AGXT2: variants seen among roughly 807,000 people sequenced by gnomAD.
AGXT2 encodes alanine--glyoxylate aminotransferase 2, mitochondrial.
In AGXT2, 61 loss-of-function variants were observed where a neutral mutation model predicts 62.5. The observed-to-expected ratio is 0.98, with a 90% CI of 0.79 to 1.21. The LOEUF is 1.21. Among genes scored for constraint, AGXT2 ranks in the 50% most tolerant of loss-of-function variants. The pLI, the probability that AGXT2 is intolerant of heterozygous loss-of-function variation, is 0.00. For missense variants in AGXT2, 666 were observed against 641.5 expected (o/e 1.04, Z -0.41); for synonymous variants, 243 against 218.7 (o/e 1.11, Z -0.98).
intron 1 of AGXT2, among the ~76,000 whole-genome samples, chr5:35,040,895 C>G (rs946259749): frequency 1.3e-5 from 2 of 152,036 alleles, no homozygotes; most frequent in African/African-American, 4.8e-5. Context: ...CTACGGCAGT[C>G]CCTCACAAAC....
chr5:35,027,766 C>A (rs1434075605), intron 7 of AGXT2, among the ~76,000 whole-genome samples: 1 of 150,732 alleles, frequency 6.6e-6, no homozygotes, highest in African/African-American at 2.4e-5. Flanking sequence ...CTTCCAAGTG[C>A]GTAGGGCATT....
At chr5:35,011,218 G>A (rs142064983) in intron 11 of AGXT2, among the ~76,000 whole-genome samples, 113 of 152,184 alleles carry the variant, frequency 7.4e-4, no homozygotes, top group African/African-American at 2.5e-3. Context: ...CCAGCACTTT[G>A]GGAGGCTGAG....
intron 9 of AGXT2, among the ~76,000 whole-genome samples, chr5:35,015,388 G>A (rs566531667): frequency 9.2e-5 from 14 of 152,150 alleles, no homozygotes; most frequent in Non-Finnish European, 1.9e-4. Context: ...ACTTCTCCAC[G>A]CACATTTCTG....
Position 35,010,118 on chromosome 5 carries a change from C to G in AGXT2, c.1220G>C (p.Ser407Thr). The stretch of plus-strand genomic sequence containing the variant: ...TAACATGTAGGTCCCAACTTCTTGA[C>G]TGTTTTCCTGTAGATTTTCTTCTTT... ...VIKEENLQEN[S>T]QEVGTYMLLK... Residue 407 changes from serine (S) to threonine (T), a missense_variant, in exon 12 of 14, where the codon AGT (serine) becomes ACT (threonine). Physicochemically the swap from Ser to Thr is moderately conservative, Grantham distance 58. Coordinates refer to ENST00000231420, the MANE Select transcript of AGXT2 (RefSeq NM_031900.4). 6.2e-7 allele frequency: 1 copy of G among 1,614,228 alleles called. No homozygotes were observed. Among genetic ancestry groups the G allele is most frequent in the Non-Finnish European group, 8.5e-7 (1 of 1,180,034 alleles).
chr5:35,036,843 C>T (rs1181153133), intron 4 of AGXT2, 99 bp downstream of exon 4: 2 of 1,579,858 alleles, frequency 1.3e-6, no homozygotes, highest in Non-Finnish European at 1.7e-6. Flanking sequence ...CCTAGGGACG[C>T]TCCCCTAGAA....
chr5:35,040,454 C>G (rs1579513368), intron 2 of AGXT2, 121 bp downstream of exon 2: 1 of 889,424 alleles, frequency 1.1e-6, no homozygotes, highest in East Asian at 2.4e-5. Context: ...GGTACAATAT[C>G]TGGAATGAGG....
At chr5:35,040,099 G>GAGAA (rs201037779) in intron 2 of AGXT2, among the ~76,000 whole-genome samples, 5 of 152,118 alleles carry the variant, frequency 3.3e-5, no homozygotes, top group African/African-American at 9.7e-5. Flanking sequence ...AAGAAAGAGA[G>GAGAA]AGAAAGAAAG....
At chr5:35,020,852 G>A (rs1232793331) in intron 9 of AGXT2, among the ~76,000 whole-genome samples, 3 of 151,994 alleles carry the variant, frequency 2.0e-5, no homozygotes, top group African/African-American at 7.2e-5. Flanking sequence ...ATCTCCTTAA[G>A]CTGATAAGCA....
At chr5:34,999,019 C>G in intron 13 of AGXT2, among the ~76,000 whole-genome samples, 193 bp from the exon 14 acceptor site, 1 of 152,198 alleles carries the variant, frequency 6.6e-6, no homozygotes, top group East Asian at 1.9e-4. Context: ...AACCCTTGTA[C>G]AATTTGGCTC....
Position 35,047,787 on chromosome 5 carries a change from C to A in AGXT2, c.88+18G>T, listed in dbSNP as rs376555663. Reference sequence around the variant, plus strand: ...CGCTGATCCTCTACTGACCCACGTCCCCCTGGTTTCCACTTACGGCTCAGG... The same window carrying A: ...CGCTGATCCTCTACTGACCCACGTCACCCTGGTTTCCACTTACGGCTCAGG... On this transcript the variant is annotated intron_variant, in intron 1 of 13. Transcript: ENST00000231420. 6 of 1,613,766 alleles carry A rather than the reference C, an allele frequency of 3.7e-6. No homozygotes were observed. The Admixed American group carries it at 1.0e-4, about 27-fold the overall frequency.
intron 9 of AGXT2, among the ~76,000 whole-genome samples, chr5:35,016,303 G>A (rs571375445): frequency 3.9e-5 from 6 of 152,272 alleles, no homozygotes; most frequent in Admixed American, 3.3e-4. Flanking sequence ...CTCCCACTGT[G>A]ATGATGTCTT....
chr5:35,031,950 T>A lies in AGXT2; in HGVS notation c.769+782A>T, dbSNP rs1261492838. On this transcript the variant is annotated intron_variant, in intron 7 of 13. Coordinates refer to ENST00000231420, the MANE Select transcript of AGXT2 (RefSeq NM_031900.4). ...TTTAGAGATGGGATCTTGCTTTTTT[T>A]TTTTTTTTTTTTTTTTTTTTGAGAT... 2.2e-3 allele frequency among the ~76,000 whole-genome samples: 318 copies of A among 142,858 alleles called. 3 individuals carry two copies. Among genetic ancestry groups the A allele is most frequent in the African/African-American group, 8.0e-3 (276 of 34,404 alleles). 93.7% of individuals were successfully genotyped at this position (142,858 alleles called of 152,430 possible).
At chr5:35,034,231 C>T (rs1767685321) in intron 5 of AGXT2, among the ~76,000 whole-genome samples, 2 of 151,960 alleles carry the variant, frequency 1.3e-5, no homozygotes, top group African/African-American at 4.8e-5. Context: ...ATTACTTTTG[C>T]ACCGACCTAA....
At chr5:35,026,629 C>T (rs972049703) in intron 7 of AGXT2, 119 bp from the exon 8 acceptor site, 7 of 1,031,126 alleles carry the variant, frequency 6.8e-6, no homozygotes, top group African/African-American at 6.5e-5. Flanking sequence ...GTAAGTTAAT[C>T]AGGGACTTCA....
chr5:35,028,589 G>GAT, intron 7 of AGXT2, among the ~76,000 whole-genome samples: 1 of 149,640 alleles, frequency 6.7e-6, no homozygotes, highest in Non-Finnish European at 1.5e-5. Flanking sequence ...GAGAGAGAGA[G>GAT]AGAGAGAGAG....
chr5:35,041,519 G>GC (rs1479289831), intron 1 of AGXT2, among the ~76,000 whole-genome samples: 1 of 152,084 alleles, frequency 6.6e-6, no homozygotes, highest in Non-Finnish European at 1.5e-5. Flanking sequence ...ACAGACTTTG[G>GC]CCCCCCTGCA....
At position 35,017,686 on chromosome 5, in the gene AGXT2, G is replaced by A. The variant is rs1580583694; in HGVS notation, c.964-3567C>T. On this transcript the variant is annotated intron_variant, in intron 9 of 13. Coordinates refer to ENST00000231420, the MANE Select transcript of AGXT2 (RefSeq NM_031900.4). ...AGCACCTCTCCTCCTCCAAAGGAAC[G>A]CAGTTCCTCACCAGTAACGGAACAA... 2.6e-5 allele frequency among the ~76,000 whole-genome samples: 4 copies of A among 152,284 alleles called. No individual in the cohort carries two copies. In the South Asian group the frequency reaches 8.3e-4, roughly 32 times the overall value.
At chr5:35,039,184 T>C in intron 3 of AGXT2, 140 bp downstream of exon 3, 1 of 999,378 alleles carries the variant, frequency 1.0e-6, no homozygotes, top group Admixed American at 1.9e-5. Flanking sequence ...ACTCAGGAAA[T>C]AGCAGGGAGT....
intron 5 of AGXT2, among the ~76,000 whole-genome samples, chr5:35,033,942 T>C (rs989268923): frequency 1.3e-5 from 2 of 152,184 alleles, no homozygotes; most frequent in Non-Finnish European, 2.9e-5. Context: ...GATATACCTG[T>C]TGTTCAATAT....
Sources: allele counts gnomAD v4.1 joint callset (sites outside exome capture counted in the v4.1 genomes callset), GRCh38; gene constraint gnomAD v4.1.1; transcripts MANE v1.5; gene names NCBI Gene and HGNC (gene_info 2026-07-23, HGNC 2026-07-21).